Variants in INSC observed in about 807,000 individuals in gnomAD.
The protein encoded by INSC is protein inscuteable homolog.
A neutral mutation model predicts 58.6 loss-of-function variants in INSC; 67 were observed. That is an observed-to-expected ratio of 1.14 (90% CI 0.94 to 1.40). The LOEUF (loss-of-function observed/expected upper bound fraction) is 1.40. Among genes scored for constraint, INSC ranks in the 40% most tolerant of loss-of-function variants. INSC has a pLI of 0.00. For synonymous variants in INSC, 262 were observed against 276.1 expected (o/e 0.95, Z 0.51); for missense variants, 714 against 692.0 (o/e 1.03, Z -0.36).
chr11:15,125,201 A>G (rs1847964289), intron 1 of INSC, among the ~76,000 whole-genome samples: 1 of 152,182 alleles, frequency 6.6e-6, no homozygotes, highest in Admixed American at 6.5e-5. Context: ...AAGAGAAGCC[A>G]AATAAAGGAA....
chr11:15,199,735 G>A (rs565832783), intron 6 of INSC, among the ~76,000 whole-genome samples: 4 of 152,270 alleles, frequency 2.6e-5, no homozygotes, highest in Non-Finnish European at 5.9e-5. Context: ...TGCCCTGAGG[G>A]ACCCAGTTCA....
intron 1 of INSC, among the ~76,000 whole-genome samples, chr11:15,141,535 G>A (rs1848371737): frequency 6.6e-6 from 1 of 152,156 alleles, no homozygotes; most frequent in Non-Finnish European, 1.5e-5. Context: ...GGCTATTGGG[G>A]CTTCCTCCAG....
intron 1 of INSC, among the ~76,000 whole-genome samples, chr11:15,141,705 A>T (rs777434862): frequency 6.6e-6 from 1 of 152,108 alleles, no homozygotes; most frequent in Non-Finnish European, 1.5e-5. Context: ...TCCAATGACT[A>T]TTGCCACCCT....
chr11:15,205,676 AG>A (rs1249849818), intron 7 of INSC, among the ~76,000 whole-genome samples: 1 of 152,144 alleles, frequency 6.6e-6, no homozygotes, highest in Non-Finnish European at 1.5e-5. Context: ...TGGGTGGTCC[AG>A]GGGGGATGAG....
intron 1 of INSC, among the ~76,000 whole-genome samples, chr11:15,142,038 A>G (rs1848384501): frequency 6.6e-6 from 1 of 152,212 alleles, no homozygotes; most frequent in Non-Finnish European, 1.5e-5. Context: ...TTTCACAGTC[A>G]GGGCTATAGA....
the INSC span, among the ~76,000 whole-genome samples, chr11:15,264,238 A>G: frequency 2.8e-4 from 37 of 132,156 alleles, no homozygotes; most frequent in Non-Finnish European, 5.4e-4. Flanking sequence ...CTCTATCTAG[A>G]GCCAGCAATA....
intron 11 of INSC, 22 bp from the exon 12 acceptor site, chr11:15,240,425 G>A (rs760830748): frequency 1.2e-6 from 2 of 1,609,806 alleles, no homozygotes; most frequent in South Asian, 2.2e-5. Context: ...TGGGCCTGAG[G>A]CTCTCCCTGT....
At chr11:15,236,422 A>G (rs111853049) in intron 10 of INSC, among the ~76,000 whole-genome samples, 5 of 152,308 alleles carry the variant, frequency 3.3e-5, no homozygotes, top group African/African-American at 9.6e-5. Flanking sequence ...TTCCTATCTT[A>G]TTGGATTTGG....
At chr11:15,206,126 T>A (rs1322014991) in intron 7 of INSC, among the ~76,000 whole-genome samples, 1 of 152,156 alleles carries the variant, frequency 6.6e-6, no homozygotes, top group African/African-American at 2.4e-5. Context: ...TCCCTACCCC[T>A]ATGCTGGGTT....
chr11:15,241,435 C>T (rs1318928975), intron 12 of INSC: 2 of 550,558 alleles, frequency 3.6e-6, no homozygotes, highest in African/African-American at 3.9e-5. Context: ...AACAGTGGGG[C>T]ATTGCAGTCA....
chr11:15,250,825 C>G (rs1272166459), downstream of INSC, among the ~76,000 whole-genome samples: 1 of 152,198 alleles, frequency 6.6e-6, no homozygotes, highest in African/African-American at 2.4e-5. Flanking sequence ...CTCAGGATTT[C>G]TCCTAAGTTT....
rs780511581 is a variant in INSC at position 15,175,802 on chromosome 11, G to C, written c.118G>C (p.Glu40Gln). 1 of 1,603,814 alleles carries C rather than the reference G, an allele frequency of 6.2e-7. No homozygotes were observed. The highest frequency in any genetic ancestry group is 8.5e-7 in the Non-Finnish European group (1 of 1,172,074). The change falls in exon 3 of 13, where the codon GAG becomes CAG. Residue 40 changes from glutamate to glutamine, a missense_variant. Coordinates refer to ENST00000379556, the MANE Select transcript of INSC (RefSeq NM_001042536.3). ...RWMEDLKLMT[E>Q]CECMCVLQAK... is the part of the protein sequence containing the mutation. ...GATGGAAGATCTGAAGCTCATGACC[G>C]AGTGCGAGTGCATGTGTGTCCTGCA... is the stretch of plus-strand genomic sequence containing the variant.
At chr11:15,261,017 A>G in the INSC span, among the ~76,000 whole-genome samples, 1 of 152,218 alleles carries the variant, frequency 6.6e-6, no homozygotes, top group Non-Finnish European at 1.5e-5. Flanking sequence ...CCTTTCATGC[A>G]TCAACTCTGA....
At chr11:15,192,218 A>C (rs58749082) in intron 6 of INSC, among the ~76,000 whole-genome samples, 1,673 of 152,244 alleles carry the variant, frequency 0.011, 38 homozygotes, top group African/African-American at 0.038. Context: ...TGGGTCCTAC[A>C]TTCTGGCCAT....
chr11:15,139,633 G>A (rs1242213041), intron 1 of INSC, among the ~76,000 whole-genome samples: 1 of 152,178 alleles, frequency 6.6e-6, no homozygotes, highest in Non-Finnish European at 1.5e-5. Context: ...TCACTAATGT[G>A]CCTAGCATTC....
At chr11:15,144,901 GTCTT>G (rs1391790268) in intron 1 of INSC, among the ~76,000 whole-genome samples, 1 of 152,198 alleles carries the variant, frequency 6.6e-6, no homozygotes, top group African/African-American at 2.4e-5. Context: ...AAGACTTCAA[GTCTT>G]TCTTGTAAAC....
the INSC span, among the ~76,000 whole-genome samples, chr11:15,262,655 A>AC: frequency 6.8e-6 from 1 of 146,680 alleles, no homozygotes; most frequent in Admixed American, 6.9e-5. Flanking sequence ...CTGGGTGATA[A>AC]ACACACACAC....
rs118140549 is a variant in INSC, at chr11:15,147,833, G to T, written c.-45-1297G>T. Among the ~76,000 whole-genome samples the T allele has an allele frequency of 1.4e-3, 211 of 152,274 alleles. No individual in the cohort carries two copies. In the South Asian group the frequency reaches 0.022, roughly 16 times the overall value. On this transcript the variant is annotated intron_variant, in intron 1 of 12. Transcript: ENST00000379556. ...TCTTCTTTCTTCCCAGCATTATGAG[G>T]AGTGCTTTGTGTTCACCCACATCAC...
intron 6 of INSC, among the ~76,000 whole-genome samples, chr11:15,198,214 C>T (rs1051610158): frequency 2.0e-5 from 3 of 152,210 alleles, no homozygotes; most frequent in African/African-American, 7.2e-5. Context: ...TCCACATGTA[C>T]TAACTCAATT....
Sources: allele counts gnomAD v4.1 joint callset (sites outside exome capture counted in the v4.1 genomes callset), GRCh38; gene constraint gnomAD v4.1.1; transcripts MANE v1.5; gene names NCBI Gene and HGNC (gene_info 2026-07-23, HGNC 2026-07-21).